CC2D2B: variants seen among roughly 807,000 people sequenced by gnomAD.
CC2D2B encodes the protein coiled-coil and C2 domain containing 2B.
A neutral mutation model predicts 161.2 loss-of-function variants in CC2D2B; 128 were observed. That is an observed-to-expected ratio of 0.79 (90% CI 0.69 to 0.92). The LOEUF (loss-of-function observed/expected upper bound fraction) is 0.92, where lower values mean the gene tolerates loss of function less well. Among genes scored for constraint, CC2D2B ranks in the 40% least tolerant of loss-of-function variants. The probability of loss-of-function intolerance (pLI) is 0.00; values close to 1 mark genes in which losing one functional copy is unlikely to be tolerated. For missense variants in CC2D2B, 1,173 were observed against 1,375.1 expected, an observed-to-expected ratio of 0.85 and a Z score of 2.32; for synonymous variants, 391 against 449.8, an observed-to-expected ratio of 0.87 and a Z score of 1.65.
In CC2D2B at chr10:95,924,296, A is replaced by G. The variant is rs1160685801; in HGVS notation, c.98-18A>G. 2 of 1,368,538 alleles carry G rather than the reference A, an allele frequency of 1.5e-6. No homozygotes were observed. The highest frequency in any genetic ancestry group is 5.3e-5 in the Admixed American group (2 of 37,442). 84.8% of individuals were successfully genotyped at this position (1,368,538 alleles called of 1,614,324 possible). On this transcript the variant is annotated intron_variant, in intron 3 of 34. Transcript: ENST00000646931. ...AATAAAGTGTCATAAACTCTTTATT[A>G]TGTTGGTTTCCTGATAGATTTAGAT...
chr10:95,932,389 A>C (rs2075638330), intron 6 of CC2D2B, among the ~76,000 whole-genome samples: 2 of 152,184 alleles, frequency 1.3e-5, no homozygotes, highest in Non-Finnish European at 2.9e-5. Flanking sequence ...ATTTAAGATT[A>C]ATATTGTTCT....
At chr10:95,919,634 G>A (rs533094726) in intron 2 of CC2D2B, 1 of 152,264 alleles carries the variant, frequency 6.6e-6, no homozygotes, top group East Asian at 1.9e-4. Context: ...CTGTTGGTGA[G>A]AGTCCTGAGA....
chr10:95,981,583 T>C (rs2077532488), intron 17 of CC2D2B, among the ~76,000 whole-genome samples: 1 of 152,210 alleles, frequency 6.6e-6, no homozygotes, highest in African/African-American at 2.4e-5. Flanking sequence ...TAAATTTCAA[T>C]ATTGTGCATC....
intron 1 of CC2D2B, among the ~76,000 whole-genome samples, chr10:95,910,355 G>A (rs1354827241): frequency 6.6e-6 from 1 of 152,166 alleles, no homozygotes; most frequent in Non-Finnish European, 1.5e-5. Flanking sequence ...GGCTATATAA[G>A]CATGGCTCTA....
rs561442122 is a variant in CC2D2B, at chr10:95,926,862, G to C, written c.241-375G>C. On this transcript the variant is annotated intron_variant, in intron 5 of 34. Transcript: ENST00000646931. ...TGTGTGTGTGTCTGTGTGTGTGTGT[G>C]TGTGTGTGTGTGCGCGCGCCTGAAC... 2.2e-3 allele frequency among the ~76,000 whole-genome samples: 301 copies of C among 139,998 alleles called. 1 individual carries two copies. The highest frequency in any genetic ancestry group is 7.2e-3 in the African/African-American group (282 of 39,414). The allele number at this position is 139,998 out of a possible 152,430, so 91.8% of individuals were successfully genotyped here. A position where few individuals can be genotyped will look rare whatever the true frequency, so the allele number is the denominator to read the frequency against.
chr10:96,009,882 T>A lies in CC2D2B; in HGVS notation c.3004T>A (p.Cys1002Ser), dbSNP rs779167220. The A allele has an allele frequency of 6.2e-7, 1 of 1,610,296 alleles. No individual in the cohort carries two copies. The highest frequency in any genetic ancestry group is 8.5e-7 in the Non-Finnish European group (1 of 1,177,490). ...ATATATAAGAAAGAATTGGCTTGGATGCATTGTCTTCCCTTTTTCTGCTCT... is the reference window on the plus strand; with the variant it reads ...ATATATAAGAAAGAATTGGCTTGGAAGCATTGTCTTCCCTTTTTCTGCTCT... ...HSYIRKNWLGCIVFPFSALLQ... is the reference protein window; with the variant it reads ...HSYIRKNWLGSIVFPFSALLQ... Residue 1002 changes from cysteine to serine, a missense_variant, in exon 26 of 35, where the codon TGC becomes AGC. Cys to Ser is a moderately radical substitution (Grantham distance 112). This residue lies in a region of CC2D2B where 598 missense variants were observed against 693.2 expected (regional missense o/e 0.86). Transcript: ENST00000646931.
At chr10:96,029,268 A>ATG (rs1163934004) in intron 34 of CC2D2B, among the ~76,000 whole-genome samples, 30 of 68,892 alleles carry the variant, frequency 4.4e-4, no homozygotes, top group Admixed American at 1.1e-3. Flanking sequence ...ATATATATAT[A>ATG]TATATATATA....
chr10:95,919,300 G>A (rs2098522145), intron 2 of CC2D2B: 1 of 152,160 alleles, frequency 6.6e-6, no homozygotes, highest in South Asian at 2.1e-4. Context: ...AATTTTGAGT[G>A]TTGTAATCCA....
intron 15 of CC2D2B, among the ~76,000 whole-genome samples, chr10:95,970,801 T>G (rs1396780345): frequency 6.6e-6 from 1 of 152,240 alleles, no homozygotes; most frequent in Non-Finnish European, 1.5e-5. Context: ...TTCACAGAGC[T>G]ACAACTCCTA....
At chr10:95,980,107 A>G (rs2077457143) in intron 17 of CC2D2B, among the ~76,000 whole-genome samples, 1 of 151,996 alleles carries the variant, frequency 6.6e-6, no homozygotes, top group Non-Finnish European at 1.5e-5. Flanking sequence ...CATGCCTTTT[A>G]TAAAGTACTG....
At chr10:96,025,196 T>TATATATATATATAAAAAAAAAA (rs2079701518) in intron 33 of CC2D2B, among the ~76,000 whole-genome samples, 1 of 35,430 alleles carries the variant, frequency 2.8e-5, no homozygotes, top group Non-Finnish European at 6.1e-5. Context: ...AAAAAAAATA[T>TATATATATATATAAAAAAAAAA]ATATATATAT....
Position 95,908,532 on chromosome 10 carries a change from G to C in CC2D2B, c.-24+475G>C, listed in dbSNP as rs143304767. Reference sequence around the variant, plus strand: ...ACACGGAATGCTATCCATTTGCGGGGAAGTTGTAAAAATTAAAGGTTGGAG... The same window carrying C: ...ACACGGAATGCTATCCATTTGCGGGCAAGTTGTAAAAATTAAAGGTTGGAG... On this transcript the variant is annotated intron_variant, in intron 1 of 34. Coordinates refer to ENST00000646931, the MANE Select transcript of CC2D2B (RefSeq NM_001349008.3). Among the ~76,000 whole-genome samples the C allele has an allele frequency of 5.3e-3, 804 of 152,286 alleles. 7 individuals carry two copies. Among genetic ancestry groups the C allele is most frequent in the African/African-American group, 0.018 (761 of 41,558 alleles).
At chr10:96,025,363 C>CA (rs35860002) in intron 33 of CC2D2B, among the ~76,000 whole-genome samples, 10,768 of 51,732 alleles carry the variant, frequency 0.21, 1,006 homozygotes, top group Non-Finnish European at 0.25. Context: ...TGAGGCCTTG[C>CA]AAAAAAAAAA....
rs780686261 is a variant in CC2D2B at position 95,961,931 on chromosome 10, A to G, written c.1212A>G (p.Gln404=). Residue 404 remains glutamine (Q), a synonymous_variant, in exon 12 of 35, where the codon CAA becomes CAG. Coordinates refer to ENST00000646931, the MANE Select transcript of CC2D2B (RefSeq NM_001349008.3). The stretch of plus-strand genomic sequence containing the variant: ...AGATTAAATCTCTTCGACATGGGCA[A>G]GGGTTTACAAGCACCCCAATAAAGT... The part of the protein sequence containing the change: ...WKQIKSLRHG[Q]GFTSTPIKLQ... 3.6e-5 allele frequency: 44 copies of G among 1,231,564 alleles called. No homozygotes were observed. Among genetic ancestry groups the G allele is most frequent in the Non-Finnish European group, 4.2e-5 (41 of 987,668 alleles). The allele number at this position is 1,231,564 out of a possible 1,614,324, so 76.3% of individuals were successfully genotyped here. A position where few individuals can be genotyped will look rare whatever the true frequency, so the allele number is the denominator to read the frequency against.
intron 28 of CC2D2B, among the ~76,000 whole-genome samples, chr10:96,013,177 G>A (rs1025473893): frequency 6.6e-5 from 10 of 152,056 alleles, no homozygotes; most frequent in African/African-American, 9.7e-5. Flanking sequence ...AACTTTCTAC[G>A]TTAACACATT....
At chr10:95,927,703 TTTC>T (rs1224607747) in intron 6 of CC2D2B, among the ~76,000 whole-genome samples, 4 of 151,032 alleles carry the variant, frequency 2.6e-5, no homozygotes, top group African/African-American at 9.7e-5. Context: ...TCTTTCTTTC[TTTC>T]TTTTTTTTTT....
At chr10:95,992,825 T>C (rs1209413297) in intron 22 of CC2D2B, 128 bp downstream of exon 22, 5 of 603,166 alleles carry the variant, frequency 8.3e-6, no homozygotes, top group African/African-American at 3.8e-5. Flanking sequence ...TGAATGAAAA[T>C]TGAAATCTTC....
At chr10:95,932,952 T>C (rs1045154873) in intron 6 of CC2D2B, among the ~76,000 whole-genome samples, 15 of 152,088 alleles carry the variant, frequency 9.9e-5, no homozygotes, top group African/African-American at 3.4e-4. Flanking sequence ...GGAAGTTCTC[T>C]TGGATAATAT....
intron 9 of CC2D2B, among the ~76,000 whole-genome samples, chr10:95,947,141 A>C (rs1397302304): frequency 1.8e-5 from 2 of 108,524 alleles, no homozygotes; most frequent in Non-Finnish European, 3.7e-5. Flanking sequence ...GAGACAAAGT[A>C]TTGCTCTGTC....
Sources: allele counts gnomAD v4.1 joint callset (sites outside exome capture counted in the v4.1 genomes callset), GRCh38; gene constraint gnomAD v4.1.1; regional missense constraint gnomAD v4.1.1; transcripts MANE v1.5; gene names NCBI Gene and HGNC (gene_info 2026-07-23, HGNC 2026-07-21).